The following FNDC3B variants were observed in gnomAD, a reference collection of about 807,000 sequenced individuals.
FNDC3B encodes the protein fibronectin type III domain containing 3B.
In FNDC3B, 12 loss-of-function variants were observed where a neutral mutation model predicts 151.5. The ratio of observed to expected loss-of-function variants is 0.08; its 90% CI spans 0.05 to 0.13. The LOEUF is 0.13. Ranked by LOEUF, FNDC3B falls within the 10% of genes least tolerant of loss-of-function variation. FNDC3B has a pLI of 1.00. For synonymous variants in FNDC3B, 528 were observed against 549.0 expected, an observed-to-expected ratio of 0.96 and a Z score of 0.54; for missense variants, 1,214 against 1,505.3, an observed-to-expected ratio of 0.81 and a Z score of 3.20.
chr3:172,161,004 A>G (rs1191093709), intron 3 of FNDC3B, among the ~76,000 whole-genome samples: 1 of 152,246 alleles, frequency 6.6e-6, no homozygotes, highest in East Asian at 1.9e-4. Flanking sequence ...GGAGGGAACC[A>G]GGAGTAATTT....
chr3:172,289,047 G>A (rs1375507800), intron 7 of FNDC3B, among the ~76,000 whole-genome samples: 4 of 152,162 alleles, frequency 2.6e-5, no homozygotes, highest in African/African-American at 9.7e-5. Flanking sequence ...ATTGAATGGC[G>A]TAAAACAGTA....
chr3:172,377,517 T>C (rs564279610), intron 23 of FNDC3B, among the ~76,000 whole-genome samples: 9 of 152,214 alleles, frequency 5.9e-5, no homozygotes, highest in Non-Finnish European at 1.3e-4. Context: ...AAGGCCTTGT[T>C]TGTTTATCTG....
intron 9 of FNDC3B, among the ~76,000 whole-genome samples, chr3:172,305,638 T>C (rs1292634503): frequency 1.3e-5 from 2 of 151,892 alleles, no homozygotes; most frequent in Non-Finnish European, 2.9e-5. Context: ...ATTGCCTGTA[T>C]CTTTTAATTC....
intron 2 of FNDC3B, among the ~76,000 whole-genome samples, chr3:172,121,568 G>GT (rs1720547737): frequency 6.6e-6 from 1 of 152,154 alleles, no homozygotes; most frequent in South Asian, 2.1e-4. Context: ...ACAGATGCAA[G>GT]GTAAAAGCAG....
intron 3 of FNDC3B, among the ~76,000 whole-genome samples, chr3:172,157,017 G>A (rs1722521491): frequency 6.6e-6 from 1 of 152,154 alleles, no homozygotes. Flanking sequence ...ACTGTGAAAA[G>A]TTGTAAGGGG....
At chr3:172,391,365 A>C (rs1186918318) in intron 25 of FNDC3B, among the ~76,000 whole-genome samples, 2 of 152,198 alleles carry the variant, frequency 1.3e-5, no homozygotes, top group African/African-American at 4.8e-5. Context: ...TCCATGTTAA[A>C]GATGAGAAAA....
intron 1 of FNDC3B, among the ~76,000 whole-genome samples, chr3:172,064,966 C>T (rs545943432): frequency 4.6e-5 from 7 of 152,240 alleles, no homozygotes; most frequent in Admixed American, 4.6e-4. Context: ...CCTCTGTTGC[C>T]CTGTATATAT....
At chr3:172,199,860 G>A (rs1442669193) in intron 3 of FNDC3B, among the ~76,000 whole-genome samples, 1 of 152,224 alleles carries the variant, frequency 6.6e-6, no homozygotes, top group Non-Finnish European at 1.5e-5. Flanking sequence ...TGTTTGCGAA[G>A]TGAAAATTGT....
chr3:172,248,350 GC>G (rs1421147749), intron 5 of FNDC3B, among the ~76,000 whole-genome samples: 2 of 152,280 alleles, frequency 1.3e-5, no homozygotes, highest in African/African-American at 4.8e-5. Context: ...CATTAGTGCA[GC>G]CGCAATTTCA....
At chr3:172,297,631 C>T (rs573722863) in intron 8 of FNDC3B, among the ~76,000 whole-genome samples, 18 of 152,256 alleles carry the variant, frequency 1.2e-4, no homozygotes, top group East Asian at 7.7e-4. Flanking sequence ...CCCGCCACCA[C>T]GCCCGGCTAA....
intron 23 of FNDC3B, among the ~76,000 whole-genome samples, chr3:172,370,986 G>C (rs1262771086): frequency 1.3e-5 from 2 of 152,112 alleles, no homozygotes; most frequent in African/African-American, 4.8e-5. Context: ...TTACGTTAGG[G>C]TTTACTCTTG....
At chr3:172,256,656 G>A (rs1728360989) in intron 6 of FNDC3B, among the ~76,000 whole-genome samples, 1 of 152,204 alleles carries the variant, frequency 6.6e-6, no homozygotes, top group Non-Finnish European at 1.5e-5. Context: ...AAGTTATTGA[G>A]TGGGATACAG....
chr3:172,101,289 T>G (rs1357498522), intron 1 of FNDC3B, among the ~76,000 whole-genome samples: 3 of 152,228 alleles, frequency 2.0e-5, no homozygotes, highest in Non-Finnish European at 4.4e-5. Flanking sequence ...ATGAAAGGTT[T>G]CGTAGAGCAT....
chr3:172,103,448 G>A (rs1362324690), intron 1 of FNDC3B, among the ~76,000 whole-genome samples: 1 of 151,890 alleles, frequency 6.6e-6, no homozygotes, highest in African/African-American at 2.4e-5. Flanking sequence ...AGAAAATAGT[G>A]CTTTCCTGTA....
intron 9 of FNDC3B, among the ~76,000 whole-genome samples, chr3:172,299,728 GT>G (rs1193129427): frequency 6.6e-6 from 1 of 151,802 alleles, no homozygotes; most frequent in Admixed American, 6.6e-5. Context: ...TACATCATGA[GT>G]TTCTTTGTGA....
chr3:172,159,233 C>T (rs533375710), intron 3 of FNDC3B, among the ~76,000 whole-genome samples: 3 of 152,288 alleles, frequency 2.0e-5, no homozygotes, highest in South Asian at 2.1e-4. Context: ...GAGCCAGGAT[C>T]GCACCATTGC....
intron 7 of FNDC3B, among the ~76,000 whole-genome samples, chr3:172,291,422 A>G (rs1481134859): frequency 1.9e-4 from 29 of 152,058 alleles, no homozygotes; most frequent in Non-Finnish European, 4.3e-4. Flanking sequence ...CAGTTATTGA[A>G]CTGCTTTTGA....
At chr3:172,295,759 G>A (rs747762602) in intron 8 of FNDC3B, among the ~76,000 whole-genome samples, 1 of 152,226 alleles carries the variant, frequency 6.6e-6, no homozygotes, top group Non-Finnish European at 1.5e-5. Context: ...GCTGTCAGTA[G>A]AGTATTAATG....
intron 1 of FNDC3B, among the ~76,000 whole-genome samples, chr3:172,061,780 T>C (rs1035324041): frequency 3.3e-5 from 5 of 152,208 alleles, no homozygotes; most frequent in Admixed American, 2.6e-4. Flanking sequence ...TCTCAGAAAC[T>C]GTACCCAGTC....
Sources: allele counts gnomAD v4.1 joint callset (sites outside exome capture counted in the v4.1 genomes callset), GRCh38; gene constraint gnomAD v4.1.1; transcripts MANE v1.5; gene names NCBI Gene and HGNC (gene_info 2026-07-23, HGNC 2026-07-21).